KBTBD11: variants seen among roughly 807,000 people sequenced by gnomAD.
KBTBD11 encodes kelch repeat and BTB domain-containing protein 11.
For synonymous variants in KBTBD11, 747 were observed against 499.0 expected (o/e 1.50, Z -6.63); for missense variants, 1,390 against 1,001.8 (o/e 1.39, Z -5.23).
At chr8:1,975,365 C>G (rs1816299862) in intron 1 of KBTBD11, 1 of 152,266 alleles carries the variant, frequency 6.6e-6, no homozygotes, top group Non-Finnish European at 1.5e-5. Flanking sequence ...GGATCAATTA[C>G]AGACCGCCAA....
chr8:1,987,293 T>C lies in KBTBD11; in HGVS notation c.-908-12992T>C, dbSNP rs540247092. ...AAGCTTCCGAAATTCAAAATTTTGT[T>C]TATGAAATTGACTCACGTTGAGACA... On this transcript the variant is annotated intron_variant, in intron 1 of 1. Transcript: ENST00000320248. Among the ~76,000 whole-genome samples, 19 of 152,294 alleles carry C rather than the reference T, an allele frequency of 1.2e-4. No individual in the cohort carries two copies. In the South Asian group the frequency reaches 3.7e-3, roughly 30 times the overall value.
chr8:2,001,161 G>A lies in KBTBD11; in HGVS notation c.-32G>A. 7.7e-7 allele frequency: 1 copy of A among 1,296,004 alleles called. No individual in the cohort carries two copies. The highest frequency in any genetic ancestry group is 9.8e-7 in the Non-Finnish European group (1 of 1,022,772). 80.3% of individuals were successfully genotyped at this position (1,296,004 alleles called of 1,614,324 possible). On this transcript the variant is annotated 5_prime_UTR_variant, in exon 2 of 2. Transcript: ENST00000320248. ...CAGACCTGCAGGCTGCGGAACCGGG[G>A]GCGCGCGGGCGCAGCGCAGCACAGC...
chr8:2,001,716 G>C lies in KBTBD11; in HGVS notation c.524G>C (p.Arg175Pro). The C allele has an allele frequency of 1.4e-6, 2 of 1,422,312 alleles. No homozygotes were observed. The highest frequency in any genetic ancestry group is 5.6e-5 in the Admixed American group (2 of 35,558). 88.1% of individuals were successfully genotyped at this position (1,422,312 alleles called of 1,614,324 possible). A position where few individuals can be genotyped will look rare whatever the true frequency, so the allele number is the denominator to read the frequency against. Residue 175 changes from arginine (R) to proline (P), a missense_variant, in exon 2 of 2, where the codon CGG becomes CCG. Transcript: ENST00000320248. ...GCGCGCGCGTCGCGGGACGTGCTGC[G>C]GGTGCAGGGAGTGAGCCTGACGGCG... Reference protein sequence around the residue: ...FRARASRDVLRVQGVSLTALR... With the variant: ...FRARASRDVLPVQGVSLTALR...
At chr8:1,989,135 G>A (rs1049699351) in intron 1 of KBTBD11, among the ~76,000 whole-genome samples, 3 of 152,126 alleles carry the variant, frequency 2.0e-5, no homozygotes, top group Non-Finnish European at 2.9e-5. Flanking sequence ...GCTCTGGTGC[G>A]ACCTTGGTAT....
intron 1 of KBTBD11, among the ~76,000 whole-genome samples, chr8:1,987,603 C>G (rs1025879621): frequency 1.3e-5 from 2 of 152,100 alleles, no homozygotes; most frequent in Admixed American, 6.5e-5. Context: ...GTCTGTACCT[C>G]GAGGACTTCT....
intron 1 of KBTBD11, among the ~76,000 whole-genome samples, chr8:1,990,463 C>T (rs1179065072): frequency 1.8e-5 from 2 of 109,624 alleles, no homozygotes; most frequent in African/African-American, 7.2e-5. Context: ...GCGCCCTGTC[C>T]GGGTAGATGC....
At position 2,002,539 on chromosome 8, in the gene KBTBD11, G is replaced by A. The variant is rs771647496; in HGVS notation, c.1347G>A (p.Ala449=). 2 of 1,558,584 alleles carry A rather than the reference G, an allele frequency of 1.3e-6. No individual in the cohort carries two copies. The highest frequency in any genetic ancestry group is 2.4e-5 in the East Asian group (1 of 41,594). The part of the protein sequence containing the change: ...APLPRGAFAV[A]HEATTCHGEI... ...TGCCCCGGGGCGCCTTCGCCGTGGC[G>A]CATGAGGCCACCACCTGCCACGGCG... The change falls in exon 2 of 2, where the codon GCG becomes GCA. Residue 449 remains alanine (A), a synonymous_variant. Transcript: ENST00000320248. This position sits in a 1 kb window ranked among gnomAD's most constrained non-coding sequence, Gnocchi z 4.1.
chr8:1,983,287 A>G (rs1391700285), intron 1 of KBTBD11, among the ~76,000 whole-genome samples: 1 of 152,174 alleles, frequency 6.6e-6, no homozygotes, highest in Non-Finnish European at 1.5e-5. Flanking sequence ...GGATGACCTC[A>G]TCTAGGCCAG....
chr8:2,001,357 C>T lies in KBTBD11; in HGVS notation c.165C>T (p.Ala55=), dbSNP rs1817342933. The T allele has an allele frequency of 1.2e-5, 18 of 1,487,910 alleles. No homozygotes were observed. The highest frequency in any genetic ancestry group is 5.6e-5 in the East Asian group (2 of 35,440). The allele number at this position is 1,487,910 out of a possible 1,614,324, so 92.2% of individuals were successfully genotyped here. The stretch of plus-strand genomic sequence containing the variant: ...AAGAGTCCCCGCCGCAGTCCCTCGC[C>T]TCAGCGGCGGAAGGCGCGGCCACCT... ...SGEESPPQSL[A]SAAEGAATSP... The change falls in exon 2 of 2, where the codon GCC becomes GCT. Residue 55 remains alanine, a synonymous_variant. Transcript: ENST00000320248.
rs1229085685 is a variant in KBTBD11, at chr8:2,002,315, C to G, written c.1123C>G (p.Arg375Gly). ...GGVAPAGPDG[R>G]ARPSDQVFCY... ...CGTGGCGCCCGCGGGCCCCGACGGC[C>G]GCGCGCGCCCGTCCGACCAGGTCTT... The change falls in exon 2 of 2, where the codon CGC becomes GGC. Residue 375 changes from arginine (R) to glycine (G), a missense_variant. Transcript: ENST00000320248. The surrounding 1 kb of genome is among the most constrained non-coding windows in gnomAD (Gnocchi z 4.1). 1 of 1,370,582 alleles carries G rather than the reference C, an allele frequency of 7.3e-7. No individual in the cohort carries two copies. The highest frequency in any genetic ancestry group is 9.3e-7 in the Non-Finnish European group (1 of 1,070,288). 84.9% of individuals were successfully genotyped at this position (1,370,582 alleles called of 1,614,324 possible).
chr8:2,005,143 A>C lies in KBTBD11; in HGVS notation c.*2079A>C, dbSNP rs1348891191. On this transcript the variant is annotated 3_prime_UTR_variant, in exon 2 of 2. Coordinates refer to ENST00000320248, the MANE Select transcript of KBTBD11 (RefSeq NM_014867.3). ...GGTTGCACAGTCCTGTGCGGTTCCC[A>C]TGGCTTTCCAGCGTTTCATTTAGTG... 2 of 167,106 alleles carry C rather than the reference A, an allele frequency of 1.2e-5. No homozygotes were observed. The highest frequency in any genetic ancestry group is 4.8e-5 in the African/African-American group (2 of 41,454). The allele number at this position is 167,106 out of a possible 1,614,324, so 10.4% of individuals were successfully genotyped here.
At chr8:1,986,701 C>A (rs1464865719) in intron 1 of KBTBD11, among the ~76,000 whole-genome samples, 1 of 152,012 alleles carries the variant, frequency 6.6e-6, no homozygotes, top group Non-Finnish European at 1.5e-5. Flanking sequence ...ATTAGCAGGC[C>A]AGATTACTTA....
chr8:1,989,923 G>GTTTT lies in KBTBD11; in HGVS notation c.-908-10339_-908-10336dup, dbSNP rs5888896. Among the ~76,000 whole-genome samples the GTTTT allele has an allele frequency of 1.0e-3, 73 of 71,734 alleles. 9 individuals are homozygous for GTTTT. The highest frequency in any genetic ancestry group is 4.4e-3 in the Admixed American group (21 of 4,748). The allele number at this position is 71,734 out of a possible 152,430, so 47.1% of individuals were successfully genotyped here. A position where few individuals can be genotyped will look rare whatever the true frequency, so the allele number is the denominator to read the frequency against. On this transcript the variant is annotated intron_variant, in intron 1 of 1. Transcript: ENST00000320248. ...GGAACAGATAACGATGTCTCAGGTGGTTTTTTTTTTTTTTTTTTTTTTTTT... is the reference window on the plus strand; with the variant it reads ...GGAACAGATAACGATGTCTCAGGTGGTTTTTTTTTTTTTTTTTTTTTTTTTTTTT...
At chr8:1,980,871 A>T (rs916096928) in intron 1 of KBTBD11, among the ~76,000 whole-genome samples, 1 of 152,238 alleles carries the variant, frequency 6.6e-6, no homozygotes, top group African/African-American at 2.4e-5. Context: ...GACCACAGAA[A>T]GCCTGCCTGC....
chr8:1,983,790 C>G (rs1221246190), intron 1 of KBTBD11, among the ~76,000 whole-genome samples: 2 of 152,238 alleles, frequency 1.3e-5, no homozygotes, highest in Admixed American at 6.5e-5. Context: ...GCAGGAATTG[C>G]TTTTTAAAGA....
chr8:1,974,552 G>A lies in KBTBD11; in HGVS notation c.-909+617G>A, dbSNP rs1392185270. 9.1e-6 allele frequency: 9 copies of A among 985,040 alleles called. No individual in the cohort carries two copies. The South Asian group carries it at 3.8e-4, about 41-fold the overall frequency. The allele number at this position is 985,040 out of a possible 1,614,324, so 61.0% of individuals were successfully genotyped here. A position where few individuals can be genotyped will look rare whatever the true frequency, so the allele number is the denominator to read the frequency against. The stretch of plus-strand genomic sequence containing the variant: ...CTTGGTCCTCCGCCGCTGCGCCCGG[G>A]GTGCGGGGGTGTCCTGGCTGCTGAC... On this transcript the variant is annotated intron_variant, in intron 1 of 1. Coordinates refer to ENST00000320248, the MANE Select transcript of KBTBD11 (RefSeq NM_014867.3).
intron 1 of KBTBD11, chr8:1,974,793 A>G (rs1816271519): frequency 2.9e-6 from 2 of 693,290 alleles, no homozygotes; most frequent in Non-Finnish European, 3.5e-6. Context: ...GAGTCCTACA[A>G]AACCACGTTT....
chr8:1,989,629 T>G (rs1816833951), intron 1 of KBTBD11, among the ~76,000 whole-genome samples: 1 of 152,192 alleles, frequency 6.6e-6, no homozygotes, highest in South Asian at 2.1e-4. Flanking sequence ...AGGAAATCTA[T>G]GCAACAAGTT....
intron 1 of KBTBD11, among the ~76,000 whole-genome samples, chr8:1,977,282 T>A (rs1023109814): frequency 6.6e-6 from 1 of 152,178 alleles, no homozygotes; most frequent in Non-Finnish European, 1.5e-5. Context: ...AATAGGAAGA[T>A]GCACATAGAA....
Sources: allele counts gnomAD v4.1 joint callset (sites outside exome capture counted in the v4.1 genomes callset), GRCh38; gene constraint gnomAD v4.1.1; non-coding constraint Gnocchi (gnomAD v3.1); transcripts MANE v1.5; gene names NCBI Gene and HGNC (gene_info 2026-07-23, HGNC 2026-07-21).